Variants in RABGAP1 observed in about 807,000 individuals in gnomAD.
RABGAP1 encodes rab GTPase-activating protein 1.
In RABGAP1, 23 loss-of-function variants were observed where a neutral mutation model predicts 137.6. The ratio of observed to expected loss-of-function variants is 0.17; its 90% CI spans 0.12 to 0.24. The LOEUF (loss-of-function observed/expected upper bound fraction) is 0.24, where lower values mean the gene tolerates loss of function less well. Among genes scored for constraint, RABGAP1 ranks in the 10% least tolerant of loss-of-function variants. The pLI is 1.00. For missense variants in RABGAP1, 906 were observed against 1,275.8 expected, an observed-to-expected ratio of 0.71 and a Z score of 4.42; for synonymous variants, 451 against 450.7, an observed-to-expected ratio of 1.00 and a Z score of -0.01.
chr9:123,097,133 A>G lies in RABGAP1; in HGVS notation c.2629-608A>G, dbSNP rs2035209284. 1.3e-5 allele frequency among the ~76,000 whole-genome samples: 2 copies of G among 152,194 alleles called. 1 individual carries two copies. The highest frequency in any genetic ancestry group is 4.1e-4 in the South Asian group (2 of 4,826). ...GCACCAGGAACTCGTATGTCAGGCA[A>G]AAGTATATCATTTTCACTAGAACTC... On this transcript the variant is annotated intron_variant, in intron 21 of 25. Transcript: ENST00000373647.
intron 13 of RABGAP1, among the ~76,000 whole-genome samples, chr9:123,059,044 A>G (rs1292894160): frequency 6.6e-6 from 1 of 152,196 alleles, no homozygotes; most frequent in Non-Finnish European, 1.5e-5. Context: ...TGTTCAGTCT[A>G]CTTGTGAAGT....
intron 10 of RABGAP1, among the ~76,000 whole-genome samples, chr9:123,004,862 G>T (rs1416507355): frequency 6.6e-6 from 1 of 151,814 alleles, no homozygotes; most frequent in Non-Finnish European, 1.5e-5. Flanking sequence ...TTCAAGACCA[G>T]CCTGACCAAC....
chr9:123,027,752 T>A (rs2032063148), intron 13 of RABGAP1, among the ~76,000 whole-genome samples: 1 of 152,222 alleles, frequency 6.6e-6, no homozygotes, highest in Non-Finnish European at 1.5e-5. Context: ...TTCCTTAAGC[T>A]TTGACATTCT....
At position 123,103,701 on chromosome 9, in the gene RABGAP1, G is replaced by C. The variant is rs1015812028; in HGVS notation, c.*488G>C. ...TTTTCTGCTTCAATGCCAGCAGAAG[G>C]TCCCCCAGGTAGACATGGAGAAGCA... On this transcript the variant is annotated 3_prime_UTR_variant, in exon 26 of 26. Coordinates refer to ENST00000373647, the MANE Select transcript of RABGAP1 (RefSeq NM_012197.4). 1 of 142,662 alleles carries C rather than the reference G, an allele frequency of 7.0e-6. No individual in the cohort carries two copies. The highest frequency in any genetic ancestry group is 1.5e-5 in the Non-Finnish European group (1 of 65,980). 8.8% of individuals were successfully genotyped at this position (142,662 alleles called of 1,614,324 possible).
intron 24 of RABGAP1, 64 bp from the exon 25 acceptor site, chr9:123,101,502 C>T: frequency 6.8e-7 from 1 of 1,470,202 alleles, no homozygotes; most frequent in Non-Finnish European, 9.3e-7. Context: ...AAAGGAGATG[C>T]TCACACCATC....
upstream of RABGAP1, chr9:122,940,300 T>C (rs1833479714): frequency 6.6e-6 from 1 of 152,252 alleles, no homozygotes; most frequent in Non-Finnish European, 1.5e-5. Context: ...GAATGATTTT[T>C]AAATAAAAAT....
intron 2 of RABGAP1, among the ~76,000 whole-genome samples, chr9:122,972,400 G>T (rs1468848878): frequency 1.3e-5 from 2 of 152,210 alleles, no homozygotes; most frequent in African/African-American, 4.8e-5. Context: ...AGCTTCATCT[G>T]GTGGGTCGGG....
intron 1 of RABGAP1, among the ~76,000 whole-genome samples, chr9:122,949,147 A>C (rs1292189156): frequency 1.3e-5 from 2 of 152,024 alleles, no homozygotes; most frequent in African/African-American, 4.8e-5. Context: ...AGGCTGAGGC[A>C]GGTGGATCAT....
chr9:123,098,766 A>G lies in RABGAP1; in HGVS notation c.2785A>G (p.Lys929Glu). 1 of 1,613,958 alleles carries G rather than the reference A, an allele frequency of 6.2e-7. No homozygotes were observed. The highest frequency in any genetic ancestry group is 8.5e-7 in the Non-Finnish European group (1 of 1,179,908). The change falls in exon 23 of 26, where the codon AAA (lysine) becomes GAA (glutamate). Residue 929 changes from lysine (K) to glutamate (E), a missense_variant. Lys to Glu is a moderately conservative substitution (Grantham distance 56, BLOSUM62 1). Coordinates refer to ENST00000373647, the MANE Select transcript of RABGAP1 (RefSeq NM_012197.4). Reference sequence around the variant, plus strand: ...CGACAAGGCAGAATCTGAGATTAAAAAAAACAGTTCTATCATTGGTGACTA... The same window carrying G: ...CGACAAGGCAGAATCTGAGATTAAAGAAAACAGTTCTATCATTGGTGACTA... ...ELDKAESEIKKNSSIIGDYKQ... is the reference protein window; with the variant it reads ...ELDKAESEIKENSSIIGDYKQ...
At chr9:122,933,957 C>G in the RABGAP1 span, among the ~76,000 whole-genome samples, 1 of 151,300 alleles carries the variant, frequency 6.6e-6, no homozygotes, top group Non-Finnish European at 1.5e-5. Flanking sequence ...TTGTAGAGAC[C>G]GCGCCTTGCT....
chr9:122,964,540 G>A (rs1835030182), intron 2 of RABGAP1, among the ~76,000 whole-genome samples: 2 of 152,102 alleles, frequency 1.3e-5, no homozygotes, highest in Non-Finnish European at 2.9e-5. Flanking sequence ...AAAGAAATGA[G>A]AAAACTCAAA....
At chr9:122,951,409 T>G (rs1416696186) in intron 1 of RABGAP1, among the ~76,000 whole-genome samples, 1 of 151,808 alleles carries the variant, frequency 6.6e-6, no homozygotes, top group East Asian at 1.9e-4. Context: ...GATAGTACTC[T>G]GTCTCAAAAA....
chr9:122,956,937 G>A (rs1015472422), intron 1 of RABGAP1, 74 bp from the exon 2 acceptor site: 39 of 755,906 alleles, frequency 5.2e-5, no homozygotes, highest in Admixed American at 3.4e-4. Flanking sequence ...TGAATATGTT[G>A]TGTAAGAAGT....
chr9:122,958,129 G>A (rs1266365065), intron 2 of RABGAP1, among the ~76,000 whole-genome samples: 3 of 152,102 alleles, frequency 2.0e-5, no homozygotes, highest in Admixed American at 6.6e-5. Flanking sequence ...CACTTGTCTG[G>A]GGCAGACGGT....
chr9:123,027,021 G>A (rs893418118), intron 13 of RABGAP1, among the ~76,000 whole-genome samples: 6 of 151,494 alleles, frequency 4.0e-5, no homozygotes, highest in South Asian at 2.1e-4. Flanking sequence ...TTCAACTTCA[G>A]TGATAAGAAT....
At position 123,099,512 on chromosome 9, in the gene RABGAP1, A is replaced by G; in HGVS notation, c.2852A>G (p.Gln951Arg). Residue 951 changes from glutamine (Q) to arginine (R), a missense_variant, in exon 24 of 26, where the codon CAG becomes CGG. By Grantham distance (43) the Gln-to-Arg change is conservative. Around this residue, in one of 9 missense-constraint regions of RABGAP1, gnomAD observed 193 missense variants for 248.1 expected, o/e 0.78. Transcript: ENST00000373647. ...CAGTTGAGTGAAAGATTGGAGAAGCAGCAGACAGCCAATAAGGTGGAAATT... is the reference window on the plus strand; with the variant it reads ...CAGTTGAGTGAAAGATTGGAGAAGCGGCAGACAGCCAATAAGGTGGAAATT... Reference protein sequence around the residue: ...CSQLSERLEKQQTANKVEIEK... With the variant: ...CSQLSERLEKRQTANKVEIEK... 1 of 1,613,204 alleles carries G rather than the reference A, an allele frequency of 6.2e-7. No homozygotes were observed. Among genetic ancestry groups the G allele is most frequent in the South Asian group, 1.1e-5 (1 of 91,048 alleles).
In RABGAP1 at chr9:122,957,089, C is replaced by T. The variant is rs1345056941; in HGVS notation, c.30C>T (p.Ile10=). The T allele has an allele frequency of 6.5e-7, 1 of 1,526,928 alleles. No homozygotes were observed. Among genetic ancestry groups the T allele is most frequent in the East Asian group, 2.3e-5 (1 of 43,706 alleles). 94.6% of individuals were successfully genotyped at this position (1,526,928 alleles called of 1,614,324 possible). Reference sequence around the variant, plus strand: ...ATGACAAGGCTTCTGTTGGAAAAATCAGTGTCTCTTCAGACTCAGTATCTA... The same window carrying T: ...ATGACAAGGCTTCTGTTGGAAAAATTAGTGTCTCTTCAGACTCAGTATCTA... The part of the protein sequence containing the change: MDDKASVGK[I]SVSSDSVSTL... Residue 10 remains isoleucine (I), a synonymous_variant, in exon 2 of 26, where the codon ATC becomes ATT. Coordinates refer to ENST00000373647, the MANE Select transcript of RABGAP1 (RefSeq NM_012197.4).
intron 13 of RABGAP1, among the ~76,000 whole-genome samples, chr9:123,058,352 A>T (rs1011623645): frequency 7.9e-5 from 12 of 152,198 alleles, no homozygotes; most frequent in African/African-American, 2.9e-4. Context: ...TAAAATCTAC[A>T]CTCATTTTAT....
At position 122,990,219 on chromosome 9, in the gene RABGAP1, G is replaced by T. The variant is rs777178413; in HGVS notation, c.923+6G>T. 1 of 1,588,452 alleles carries T rather than the reference G, an allele frequency of 6.3e-7. No individual in the cohort carries two copies. The highest frequency in any genetic ancestry group is 1.7e-5 in the Admixed American group (1 of 58,714). On this transcript the variant is annotated splice_donor_region_variant and intron_variant, in intron 6 of 25. Transcript: ENST00000373647. Reference sequence around the variant, plus strand: ...GATGGTAAAGGTTATTTTAGGTAGGGAATCTTATTTTATTCATGTATTAAC... The same window carrying T: ...GATGGTAAAGGTTATTTTAGGTAGGTAATCTTATTTTATTCATGTATTAAC...
Sources: allele counts gnomAD v4.1 joint callset (sites outside exome capture counted in the v4.1 genomes callset), GRCh38; gene constraint gnomAD v4.1.1; regional missense constraint gnomAD v4.1.1; transcripts MANE v1.5; gene names NCBI Gene and HGNC (gene_info 2026-07-23, HGNC 2026-07-21).